ZNF346: variants seen among roughly 807,000 people sequenced by gnomAD.
ZNF346 encodes zinc finger protein 346.
Under a neutral mutation model 33.7 loss-of-function variants are expected in ZNF346, and 23 were observed. That is an observed-to-expected ratio of 0.68 (90% CI 0.49 to 0.97). The LOEUF is 0.97. ZNF346 is among the 50% of genes least tolerant of loss of function. The pLI is 0.00. For synonymous variants in ZNF346, 134 were observed against 142.4 expected (o/e 0.94, Z 0.42); for missense variants, 340 against 371.1 (o/e 0.92, Z 0.69).
intron 1 of ZNF346, among the ~76,000 whole-genome samples, chr5:177,040,303 G>A (rs1174768628): frequency 2.0e-5 from 3 of 151,992 alleles, no homozygotes; most frequent in Non-Finnish European, 4.4e-5. Flanking sequence ...TTAATACCAT[G>A]TTTCATATAG....
intron 6 of ZNF346, 102 bp from the exon 7 acceptor site, chr5:177,064,410 T>C (rs922886965): frequency 5.7e-6 from 5 of 878,286 alleles, no homozygotes; most frequent in African/African-American, 4.9e-5. Context: ...AAAGGTGTCC[T>C]GTCTATTACT....
At chr5:177,052,266 C>G (rs1262723019) in intron 5 of ZNF346, 1 of 151,470 alleles carries the variant, frequency 6.6e-6, no homozygotes, top group African/African-American at 2.4e-5. Flanking sequence ...CTCCTGTGTT[C>G]AAGCGATTCT....
intron 1 of ZNF346, among the ~76,000 whole-genome samples, chr5:177,030,950 T>C (rs1372060031): frequency 6.6e-6 from 1 of 151,114 alleles, no homozygotes; most frequent in Non-Finnish European, 1.5e-5. Flanking sequence ...GACGACATTT[T>C]GCTCTTGTTG....
intron 4 of ZNF346, among the ~76,000 whole-genome samples, chr5:177,048,155 T>C (rs1780348506): frequency 6.6e-6 from 1 of 152,150 alleles, no homozygotes; most frequent in African/African-American, 2.4e-5. Flanking sequence ...TTTCAGGTTA[T>C]TTTCTGAGAA....
At chr5:177,033,747 TCTCC>T (rs1778067354) in intron 1 of ZNF346, among the ~76,000 whole-genome samples, 1 of 151,590 alleles carries the variant, frequency 6.6e-6, no homozygotes, top group African/African-American at 2.4e-5. Context: ...ATGGTCTCGA[TCTCC>T]TGACCTCGTG....
chr5:177,055,195 G>A (rs1320484871), intron 5 of ZNF346, among the ~76,000 whole-genome samples: 3 of 151,508 alleles, frequency 2.0e-5, no homozygotes, highest in Admixed American at 6.6e-5. Context: ...CACCAAACTC[G>A]GCTAATTTTT....
intron 3 of ZNF346, among the ~76,000 whole-genome samples, chr5:177,043,006 C>G (rs1779555810): frequency 3.3e-5 from 5 of 152,188 alleles, no homozygotes; most frequent in African/African-American, 9.6e-5. Flanking sequence ...CACGCGCCAC[C>G]ACACCCAGCT....
chr5:177,039,058 G>GT (rs1217773902), intron 1 of ZNF346, among the ~76,000 whole-genome samples: 2 of 151,878 alleles, frequency 1.3e-5, no homozygotes, highest in Non-Finnish European at 2.9e-5. Flanking sequence ...CACCCGGCTA[G>GT]TTTTGTATTT....
chr5:177,050,984 T>C (rs1581898898), intron 5 of ZNF346, 48 bp downstream of exon 5: 1 of 1,485,374 alleles, frequency 6.7e-7, no homozygotes, highest in Non-Finnish European at 9.4e-7. Flanking sequence ...GTTTGGCCAC[T>C]GGGGCTACCC....
chr5:177,067,866 A>T lies in ZNF346; in HGVS notation c.*3267A>T, dbSNP rs1181719969. On this transcript the variant is annotated 3_prime_UTR_variant, in exon 7 of 7. Coordinates refer to ENST00000358149, the MANE Select transcript of ZNF346 (RefSeq NM_012279.4). The stretch of plus-strand genomic sequence containing the variant: ...ACATCTGTAATCCCAGCACTTTGGG[A>T]GGCCAAGGCGGGTGTATCACTTGCG... Among the ~76,000 whole-genome samples, 2 of 152,166 alleles carry T rather than the reference A, an allele frequency of 1.3e-5. No individual in the cohort carries two copies. The highest frequency in any genetic ancestry group is 2.9e-5 in the Non-Finnish European group (2 of 68,024).
chr5:177,061,037 G>A (rs541331638), intron 5 of ZNF346, among the ~76,000 whole-genome samples: 40 of 152,192 alleles, frequency 2.6e-4, no homozygotes, highest in African/African-American at 8.4e-4. Flanking sequence ...GCGTGAACCC[G>A]GGAGGCGGAG....
At chr5:177,068,296 C>G (rs969620696), downstream of ZNF346, among the ~76,000 whole-genome samples, 1 of 144,170 alleles carries the variant, frequency 6.9e-6, no homozygotes, top group Non-Finnish European at 1.5e-5. Context: ...GTAGTAGACT[C>G]TAATTATTAA....
In ZNF346 at chr5:177,041,172, G is replaced by A. The variant is rs757930719; in HGVS notation, c.222G>A (p.Gln74=). The A allele has an allele frequency of 6.2e-7, 1 of 1,614,202 alleles. No homozygotes were observed. The highest frequency in any genetic ancestry group is 8.5e-7 in the Non-Finnish European group (1 of 1,180,028). ...QKNQCLFTNT[Q]CKVCCALLIS... ...ACCAATGTCTCTTCACCAACACCCAGTGTAAGGTTTGCTGCGCCTTGCTTA... is the reference window on the plus strand; with the variant it reads ...ACCAATGTCTCTTCACCAACACCCAATGTAAGGTTTGCTGCGCCTTGCTTA... Residue 74 remains glutamine, a synonymous_variant, in exon 2 of 7, where the codon CAG becomes CAA. Coordinates refer to ENST00000358149, the MANE Select transcript of ZNF346 (RefSeq NM_012279.4).
rs1782647419 is a variant in ZNF346 at position 177,062,274 on chromosome 5, A to G, written c.797+123A>G. On this transcript the variant is annotated intron_variant, in intron 6 of 6. Coordinates refer to ENST00000358149, the MANE Select transcript of ZNF346 (RefSeq NM_012279.4). ...TGGCAGTCTTTTTTCAGTGAACAGA[A>G]GATGAATCATGTAACAGGAACAAGT... 2.3e-5 allele frequency: 17 copies of G among 746,924 alleles called. No homozygotes were observed. In the South Asian group the frequency reaches 2.8e-4, roughly 12 times the overall value. The allele number at this position is 746,924 out of a possible 1,614,324, so 46.3% of individuals were successfully genotyped here.
chr5:177,036,715 TCAA>T (rs1778567534), intron 1 of ZNF346, among the ~76,000 whole-genome samples: 1 of 152,186 alleles, frequency 6.6e-6, no homozygotes, highest in African/African-American at 2.4e-5. Flanking sequence ...ATCATTTCCA[TCAA>T]CAATATTGCT....
Position 177,060,777 on chromosome 5 carries a change from C to T in ZNF346, c.704-1281C>T, listed in dbSNP as rs549341989. ...GAGCAGAGATCACGCCATTGCACTCCAGCCTGGGCAACAAGAGCAAAACTC... is the reference window on the plus strand; with the variant it reads ...GAGCAGAGATCACGCCATTGCACTCTAGCCTGGGCAACAAGAGCAAAACTC... On this transcript the variant is annotated intron_variant, in intron 5 of 6. Coordinates refer to ENST00000358149, the MANE Select transcript of ZNF346 (RefSeq NM_012279.4). 5.5e-4 allele frequency among the ~76,000 whole-genome samples: 83 copies of T among 151,984 alleles called. 1 individual carries two copies. Among genetic ancestry groups the T allele is most frequent in the African/African-American group, 2.0e-3 (82 of 41,424 alleles).
chr5:177,071,968 GCA>G (rs1783528684), downstream of ZNF346, among the ~76,000 whole-genome samples: 1 of 152,118 alleles, frequency 6.6e-6, no homozygotes, highest in African/African-American at 2.4e-5. Flanking sequence ...ATATCAGAAC[GCA>G]GTTCTGTAAA....
intron 1 of ZNF346, among the ~76,000 whole-genome samples, chr5:177,026,284 C>T (rs190998623): frequency 6.6e-6 from 1 of 151,266 alleles, no homozygotes; most frequent in South Asian, 2.1e-4. Flanking sequence ...GCATTACACG[C>T]GTGAGCTACC....
At chr5:177,056,655 T>G (rs1037034547) in intron 5 of ZNF346, among the ~76,000 whole-genome samples, 4 of 151,262 alleles carry the variant, frequency 2.6e-5, no homozygotes, top group Non-Finnish European at 5.9e-5. Flanking sequence ...CTGAGCAAAC[T>G]ATCACAAGGA....
Sources: gnomAD v4.1 joint callset for allele counts (sites outside exome capture counted in the v4.1 genomes callset) on GRCh38, gnomAD v4.1.1 for gene constraint, MANE v1.5 for transcripts, NCBI Gene and HGNC (gene_info 2026-07-23, HGNC 2026-07-21) for gene names.